Variants in DLGAP2 observed in about 807,000 individuals in gnomAD.
The protein encoded by DLGAP2 is DLG associated protein 2.
Under a neutral mutation model 100.3 loss-of-function variants are expected in DLGAP2, and 26 were observed. The observed-to-expected ratio is 0.26, with a 90% CI of 0.19 to 0.36. The LOEUF is 0.36. Among genes scored for constraint, DLGAP2 ranks in the 10% least tolerant of loss-of-function variants. The pLI is 1.00. For missense variants in DLGAP2, 1,858 were observed against 1,453.2 expected (o/e 1.28, Z -4.53); for synonymous variants, 886 against 630.1 (o/e 1.41, Z -6.08).
intron 3 of DLGAP2, among the ~76,000 whole-genome samples, chr8:1,342,494 C>G (rs187657385): frequency 2.8e-5 from 4 of 143,190 alleles, no homozygotes; most frequent in Non-Finnish European, 4.5e-5. Flanking sequence ...TGTGAAGGGC[C>G]AAGTAGTTAA....
intron 10 of DLGAP2, among the ~76,000 whole-genome samples, chr8:1,670,341 G>T (rs915937998): frequency 2.6e-5 from 4 of 152,180 alleles, no homozygotes; most frequent in African/African-American, 2.4e-5. Flanking sequence ...ACACCCCTCC[G>T]TGGTCAGCCC....
intron 1 of DLGAP2, among the ~76,000 whole-genome samples, chr8:903,485 C>T (rs1168916391): frequency 6.6e-6 from 1 of 152,112 alleles, no homozygotes; most frequent in Non-Finnish European, 1.5e-5. Flanking sequence ...TTGTGTAGAG[C>T]TAGTAACGAC....
At chr8:780,146 C>G (rs1387771098) in intron 1 of DLGAP2, among the ~76,000 whole-genome samples, 1 of 152,148 alleles carries the variant, frequency 6.6e-6, no homozygotes, top group Non-Finnish European at 1.5e-5. Context: ...TTTCCTCATC[C>G]CCGCCAACCC....
intron 1 of DLGAP2, among the ~76,000 whole-genome samples, chr8:771,913 AT>A (rs1304325731): frequency 1.3e-5 from 2 of 152,062 alleles, no homozygotes; most frequent in East Asian, 3.9e-4. Flanking sequence ...ATTTCATTTT[AT>A]TTTTTTAGAG....
intron 1 of DLGAP2, chr8:891,720 CAA>C (rs1444240534): frequency 1.8e-4 from 27 of 152,416 alleles, no homozygotes; most frequent in African/African-American, 6.0e-4. Flanking sequence ...GACAAAGAGA[CAA>C]AGAGAATTCT....
At chr8:1,236,404 TCTCTCACATGGCGCCATGTCTAGTTAC>T (rs1191088801) in intron 2 of DLGAP2, among the ~76,000 whole-genome samples, 8,852 of 35,322 alleles carry the variant, frequency 0.25, 1 homozygote, top group South Asian at 0.31. Context: ...CGTGTCTAGT[TCTCTCACATGGCGCCATGTCTAGTTAC>T]CTCTCACATG....
At chr8:1,638,025 G>A (rs141711291) in intron 8 of DLGAP2, among the ~76,000 whole-genome samples, 4 of 152,166 alleles carry the variant, frequency 2.6e-5, no homozygotes, top group Admixed American at 6.5e-5. Flanking sequence ...TCTGGGATTC[G>A]CAGGGCACCC....
intron 3 of DLGAP2, among the ~76,000 whole-genome samples, chr8:1,296,854 G>A (rs564611208): frequency 6.6e-6 from 1 of 152,332 alleles, no homozygotes; most frequent in African/African-American, 2.4e-5. Flanking sequence ...TGCTGCGGAG[G>A]GGATGTTTCA....
At chr8:924,244 C>T (rs1798769615) in intron 2 of DLGAP2, among the ~76,000 whole-genome samples, 1 of 152,216 alleles carries the variant, frequency 6.6e-6, no homozygotes, top group Admixed American at 6.5e-5. Context: ...CAGTCAATCC[C>T]AGAGATACTG....
intron 3 of DLGAP2, among the ~76,000 whole-genome samples, chr8:1,418,525 G>A (rs962470385): frequency 2.6e-5 from 4 of 152,088 alleles, no homozygotes; most frequent in Non-Finnish European, 5.9e-5. Context: ...TACTTTCACA[G>A]TCAAAATGGA....
At chr8:793,962 T>A (rs4735922) in intron 1 of DLGAP2, among the ~76,000 whole-genome samples, 20,773 of 152,184 alleles carry the variant, frequency 0.14, 1,529 homozygotes, top group Middle Eastern at 0.2. Context: ...ACTCCAGGCA[T>A]CTGCTTGTCT....
intron 2 of DLGAP2, among the ~76,000 whole-genome samples, chr8:1,244,405 G>C (rs1472978844): frequency 6.6e-6 from 1 of 152,220 alleles, no homozygotes; most frequent in Non-Finnish European, 1.5e-5. Context: ...TCCTGAGGAG[G>C]AAAGGCAAAA....
chr8:813,831 C>T (rs1181111293), intron 1 of DLGAP2, among the ~76,000 whole-genome samples: 2 of 152,142 alleles, frequency 1.3e-5, no homozygotes, highest in African/African-American at 4.8e-5. Context: ...GCCTGTTATC[C>T]TATGCAACAG....
intron 3 of DLGAP2, among the ~76,000 whole-genome samples, chr8:1,409,749 G>A (rs529692486): frequency 1.3e-5 from 2 of 152,152 alleles, no homozygotes; most frequent in African/African-American, 4.8e-5. Context: ...AGAACTGAAA[G>A]AGGAAGGGAG....
rs201577943 is a variant in DLGAP2, at chr8:1,317,781, C to A, written c.106+58898C>A. ...CTCCAACAGTGGTCTACACTCGAGACACTCGTCAGTGTTAAAAAATAGAGC... is the reference window on the plus strand; with the variant it reads ...CTCCAACAGTGGTCTACACTCGAGAAACTCGTCAGTGTTAAAAAATAGAGC... On this transcript the variant is annotated intron_variant, in intron 3 of 14. Coordinates refer to ENST00000637795, the MANE Select transcript of DLGAP2 (RefSeq NM_001346810.2). Among the ~76,000 whole-genome samples the A allele has an allele frequency of 1.4e-4, 14 of 101,956 alleles. No individual in the cohort carries two copies. In the East Asian group the frequency reaches 3.5e-3, roughly 25 times the overall value. The allele number at this position is 101,956 out of a possible 152,430, so 66.9% of individuals were successfully genotyped here.
chr8:1,040,117 C>T (rs73673052), intron 2 of DLGAP2, among the ~76,000 whole-genome samples: 323 of 146,756 alleles, frequency 2.2e-3, no homozygotes, highest in African/African-American at 7.7e-3. Flanking sequence ...TGTGCGTGGT[C>T]GGCTCGGTGT....
At chr8:1,207,376 A>G (rs1372374112) in intron 2 of DLGAP2, among the ~76,000 whole-genome samples, 1 of 152,192 alleles carries the variant, frequency 6.6e-6, no homozygotes, top group Non-Finnish European at 1.5e-5. Flanking sequence ...AATGGTCTCC[A>G]ACTCCATCCA....
chr8:1,620,971 C>G (rs1042458189), intron 6 of DLGAP2, among the ~76,000 whole-genome samples: 1 of 152,196 alleles, frequency 6.6e-6, no homozygotes, highest in East Asian at 1.9e-4. Flanking sequence ...AAACAATGCT[C>G]ACTCCCCGCC....
At chr8:1,223,463 A>G (rs1188834761) in intron 2 of DLGAP2, among the ~76,000 whole-genome samples, 2 of 152,214 alleles carry the variant, frequency 1.3e-5, no homozygotes, top group African/African-American at 4.8e-5. Flanking sequence ...GGTGGATGAC[A>G]TTTCTCTTTC....
Sources: allele counts gnomAD v4.1 joint callset (sites outside exome capture counted in the v4.1 genomes callset), GRCh38; gene constraint gnomAD v4.1.1; transcripts MANE v1.5; gene names NCBI Gene and HGNC (gene_info 2026-07-23, HGNC 2026-07-21).